SF3B3: variants seen among roughly 807,000 people sequenced by gnomAD.
SF3B3 encodes the protein SAP 130.
Under a neutral mutation model 139.2 loss-of-function variants are expected in SF3B3, and 33 were observed. The observed-to-expected ratio is 0.24, with a 90% CI of 0.18 to 0.32. SF3B3 has a LOEUF of 0.32. SF3B3 is among the 10% of genes least tolerant of loss of function. SF3B3 has a pLI of 1.00. For missense variants in SF3B3, 818 were observed against 1,509.4 expected (o/e 0.54, Z 7.59); for synonymous variants, 596 against 563.6 (o/e 1.06, Z -0.81).
rs7202561 is a variant in SF3B3, at chr16:70,558,750, T to A, written c.2011-1719T>A. Among the ~76,000 whole-genome samples the A allele has an allele frequency of 2.3e-3, 345 of 152,176 alleles. 1 individual carries two copies. The highest frequency in any genetic ancestry group is 7.2e-3 in the African/African-American group (298 of 41,522). The stretch of plus-strand genomic sequence containing the variant: ...TAGCTGGGTTTATGGTGTGCACCAC[T>A]ACGCCCGGCTAATTTTTCTTGTTTC... On this transcript the variant is annotated intron_variant, in intron 15 of 25. Transcript: ENST00000302516.
chr16:70,563,766 A>G (rs911023851), intron 17 of SF3B3, 110 bp from the exon 18 acceptor site: 46 of 1,014,240 alleles, frequency 4.5e-5, no homozygotes, highest in Middle Eastern at 2.3e-4. Context: ...CCTAATGCCA[A>G]CGTTAGAGCT....
intron 11 of SF3B3, among the ~76,000 whole-genome samples, chr16:70,551,605 G>A (rs1193703035): frequency 2.6e-5 from 4 of 152,188 alleles, no homozygotes; most frequent in African/African-American, 9.6e-5. Flanking sequence ...GAGAGGCTGA[G>A]GCAGGAGAAT....
chr16:70,548,588 C>A, intron 11 of SF3B3, 146 bp downstream of exon 11: 1 of 652,246 alleles, frequency 1.5e-6, no homozygotes, highest in South Asian at 1.9e-5. Flanking sequence ...GTTTTTGAGG[C>A]TCTTCCGTTC....
intron 17 of SF3B3, chr16:70,563,671 G>T: frequency 1.3e-5 from 7 of 545,102 alleles, no homozygotes; most frequent in South Asian, 2.5e-5. Flanking sequence ...TTGTGGTAGG[G>T]TGTTGCCAAA....
intron 4 of SF3B3, among the ~76,000 whole-genome samples, chr16:70,532,017 C>T (rs531834232): frequency 3.3e-5 from 5 of 152,144 alleles, no homozygotes; most frequent in East Asian, 3.9e-4. Context: ...CCACTGCAGT[C>T]GTGTACAGTG....
At chr16:70,543,803 A>G (rs763324637) in intron 9 of SF3B3, among the ~76,000 whole-genome samples, 2 of 152,104 alleles carry the variant, frequency 1.3e-5, no homozygotes, top group African/African-American at 4.8e-5. Context: ...TTTGCTAGCC[A>G]AAGCATCTGG....
rs1309400002 is a variant in SF3B3 at position 70,573,948 on chromosome 16, A to AG, written c.*2141dup. On this transcript the variant is annotated 3_prime_UTR_variant, in exon 26 of 26. Transcript: ENST00000302516. ...GCCAAGAATAGCATTCCTTTGGAGG[A>AG]GGGGGGTTCTAGTTGGAATGTTGCT... is the stretch of plus-strand genomic sequence containing the variant. 2 of 152,074 alleles carry AG rather than the reference A, an allele frequency of 1.3e-5. No homozygotes were observed. Among genetic ancestry groups the AG allele is most frequent in the African/African-American group, 2.4e-5 (1 of 41,378 alleles). The allele number at this position is 152,074 out of a possible 1,614,324, so 9.4% of individuals were successfully genotyped here. A position where few individuals can be genotyped will look rare whatever the true frequency, so the allele number is the denominator to read the frequency against.
intron 5 of SF3B3, among the ~76,000 whole-genome samples, chr16:70,534,008 A>G (rs779140991): frequency 1.8e-4 from 27 of 152,218 alleles, no homozygotes; most frequent in Admixed American, 1.4e-3. Context: ...TTTGTGCAAG[A>G]TTGAGTCTGG....
Position 70,530,920 on chromosome 16 carries a change from A to G in SF3B3, c.570+3A>G. 6.2e-7 allele frequency: 1 copy of G among 1,602,900 alleles called. No homozygotes were observed. The highest frequency in any genetic ancestry group is 1.7e-4 in the Middle Eastern group (1 of 5,994). ...CTTGTCTGGAAATGGATTATGAGGT[A>G]ATGGGGACCCTGTCTCTTTGCGTTT... On this transcript the variant is annotated splice_donor_region_variant and intron_variant, in intron 4 of 25. Transcript: ENST00000302516.
chr16:70,561,625 C>G lies in SF3B3; in HGVS notation c.2134-5C>G. On this transcript the variant is annotated splice_region_variant and splice_polypyrimidine_tract_variant and intron_variant, in intron 16 of 25. Coordinates refer to ENST00000302516, the MANE Select transcript of SF3B3 (RefSeq NM_012426.5). ...ATTGGAGCTGGGTTTTTTTTTTCCC[C>G]TCAGGTATTGGCCATGTCAAGCCGC... The G allele has an allele frequency of 6.2e-7, 1 of 1,605,490 alleles. No individual in the cohort carries two copies. Among genetic ancestry groups the G allele is most frequent in the Non-Finnish European group, 8.5e-7 (1 of 1,177,368 alleles).
Position 70,526,087 on chromosome 16 carries a change from A to C in SF3B3, c.-70-500A>C, listed in dbSNP as rs537427587. Among the ~76,000 whole-genome samples, 22 of 152,040 alleles carry C rather than the reference A, an allele frequency of 1.4e-4. No homozygotes were observed. The East Asian group carries it at 4.3e-3, about 29-fold the overall frequency. On this transcript the variant is annotated intron_variant, in intron 1 of 25. Coordinates refer to ENST00000302516, the MANE Select transcript of SF3B3 (RefSeq NM_012426.5). ...TTGCCACCCTGCTTTTGCTCAGCCCAGAAAGTTATTTATGAGGACGTTTAC... is the reference window on the plus strand; with the variant it reads ...TTGCCACCCTGCTTTTGCTCAGCCCCGAAAGTTATTTATGAGGACGTTTAC...
chr16:70,559,163 G>C (rs758029126), intron 15 of SF3B3, among the ~76,000 whole-genome samples: 1 of 152,036 alleles, frequency 6.6e-6, no homozygotes, highest in Non-Finnish European at 1.5e-5. Flanking sequence ...ACATTGCCTA[G>C]GTTCATTCTT....
chr16:70,548,158 TC>T (rs2050286759), intron 10 of SF3B3, among the ~76,000 whole-genome samples: 1 of 150,620 alleles, frequency 6.6e-6, no homozygotes, highest in Non-Finnish European at 1.5e-5. Flanking sequence ...CTCTCAGACA[TC>T]CTGTAACTTT....
chr16:70,555,337 G>A, intron 13 of SF3B3, 131 bp downstream of exon 13: 1 of 831,670 alleles, frequency 1.2e-6, no homozygotes, highest in East Asian at 2.7e-5. Context: ...AATTAGCTGG[G>A]CGTGTTGGCA....
chr16:70,540,383 GT>G (rs35080326), intron 8 of SF3B3, among the ~76,000 whole-genome samples: 66,014 of 151,106 alleles, frequency 0.44, 14,571 homozygotes, highest in South Asian at 0.65. Context: ...GCTTTTTGGG[GT>G]TTTTTTTGGT....
chr16:70,532,367 A>G (rs946310263), intron 4 of SF3B3, 112 bp from the exon 5 acceptor site: 2 of 839,006 alleles, frequency 2.4e-6, no homozygotes, highest in East Asian at 5.4e-5. Flanking sequence ...CAAAAAAAAA[A>G]GAAGACATTT....
rs565893847 is a variant in SF3B3, at chr16:70,526,831, T to C, written c.70+105T>C. 41 of 795,792 alleles carry C rather than the reference T, an allele frequency of 5.2e-5. No homozygotes were observed. The Admixed American group carries it at 5.8e-4, about 11-fold the overall frequency. The allele number at this position is 795,792 out of a possible 1,614,324, so 49.3% of individuals were successfully genotyped here. On this transcript the variant is annotated intron_variant, in intron 2 of 25. Transcript: ENST00000302516. ...TTTCCATTTATGACAAAACAGTTGT[T>C]GGTAAATGTAAACAATTCAAATTAT...
intron 23 of SF3B3, 59 bp from the exon 24 acceptor site, chr16:70,569,947 G>A: frequency 6.3e-7 from 1 of 1,599,788 alleles, no homozygotes; most frequent in Non-Finnish European, 8.5e-7. Flanking sequence ...GCTTGCCCTT[G>A]GGAGTCCAGG....
At chr16:70,564,814 C>T (rs1321041223) in intron 18 of SF3B3, among the ~76,000 whole-genome samples, 8 of 152,170 alleles carry the variant, frequency 5.3e-5, no homozygotes. Flanking sequence ...TTTGTCACAG[C>T]TATTGTTATT....
Sources: allele counts gnomAD v4.1 joint callset (sites outside exome capture counted in the v4.1 genomes callset), GRCh38; gene constraint gnomAD v4.1.1; transcripts MANE v1.5; gene names NCBI Gene and HGNC (gene_info 2026-07-23, HGNC 2026-07-21).